MAP3K13: variants seen among roughly 807,000 people sequenced by gnomAD.
MAP3K13 encodes the protein mitogen-activated protein kinase kinase kinase 13.
Under a neutral mutation model 104.0 loss-of-function variants are expected in MAP3K13, and 52 were observed. The ratio of observed to expected loss-of-function variants is 0.50; its 90% confidence interval spans 0.40 to 0.63. The LOEUF is 0.63. MAP3K13 is among the 20% of genes least tolerant of loss of function. The pLI is 0.00. For synonymous variants in MAP3K13, 394 were observed against 442.2 expected (o/e 0.89, Z 1.37); for missense variants, 914 against 1,218.5 (o/e 0.75, Z 3.72).
intron 2 of MAP3K13, among the ~76,000 whole-genome samples, chr3:185,337,317 C>A (rs1427535615): frequency 6.6e-6 from 1 of 152,200 alleles, no homozygotes. Context: ...GCAATACAAA[C>A]TTAGAAGAAG....
chr3:185,436,132 C>T (rs751536727), intron 2 of MAP3K13, among the ~76,000 whole-genome samples: 4 of 152,076 alleles, frequency 2.6e-5, no homozygotes, highest in Non-Finnish European at 5.9e-5. Context: ...GAGATTAAAG[C>T]ACATATTGAT....
At chr3:185,466,767 T>C (rs1050019143) in intron 9 of MAP3K13, 59 bp from the exon 10 acceptor site, 22 of 1,594,684 alleles carry the variant, frequency 1.4e-5, no homozygotes, top group African/African-American at 4.0e-5. Context: ...GGTGAAAATA[T>C]TCTGCCTATC....
In MAP3K13 at chr3:185,450,502, C is replaced by T. The variant is rs893764726; in HGVS notation, c.1169+444C>T. On this transcript the variant is annotated intron_variant, in intron 6 of 13. Transcript: ENST00000265026. The surrounding 1 kb of genome is among the most constrained non-coding windows in gnomAD (Gnocchi z 4.2). ...TGCAGGGCAGCCAGGCACAGTGGCT[C>T]ACACCTGTAATTCCAACACTTTGGC... is the stretch of plus-strand genomic sequence containing the variant. Among the ~76,000 whole-genome samples the T allele has an allele frequency of 1.3e-5, 2 of 152,092 alleles. No homozygotes were observed. Among genetic ancestry groups the T allele is most frequent in the Non-Finnish European group, 2.9e-5 (2 of 68,022 alleles).
At chr3:185,319,313 A>G (rs1721780214) in intron 2 of MAP3K13, among the ~76,000 whole-genome samples, 1 of 152,200 alleles carries the variant, frequency 6.6e-6, no homozygotes, top group African/African-American at 2.4e-5. Flanking sequence ...CTAAGTATAC[A>G]TATATTCCTG....
chr3:185,320,206 A>G (rs6795599), intron 2 of MAP3K13, among the ~76,000 whole-genome samples: 117,759 of 151,492 alleles, frequency 0.78, 46,288 homozygotes, highest in Non-Finnish European at 0.84. Flanking sequence ...TCAGCCTCCC[A>G]AGTAGCTGGG....
At chr3:185,472,394 G>A (rs1717856974) in intron 10 of MAP3K13, among the ~76,000 whole-genome samples, 1 of 151,794 alleles carries the variant, frequency 6.6e-6, no homozygotes, top group Non-Finnish European at 1.5e-5. Flanking sequence ...TGTATTTTTA[G>A]TAGAGACGGG....
At chr3:185,449,244 G>A (rs76492222) in intron 5 of MAP3K13, among the ~76,000 whole-genome samples, 3 of 151,824 alleles carry the variant, frequency 2.0e-5, no homozygotes, top group Non-Finnish European at 2.9e-5. Flanking sequence ...GTGGTGGCAC[G>A]CACTTGTAAT....
intron 5 of MAP3K13, among the ~76,000 whole-genome samples, chr3:185,448,785 G>A (rs969477717): frequency 1.3e-5 from 2 of 152,140 alleles, no homozygotes; most frequent in African/African-American, 4.8e-5. Context: ...TAAAAAAACG[G>A]TATCTTGGGT....
Position 185,428,659 on chromosome 3 carries a change from A to G in MAP3K13, c.78A>G (p.Gly26=), listed in dbSNP as rs767929274. 1.2e-6 allele frequency: 2 copies of G among 1,614,110 alleles called. No homozygotes were observed. Among genetic ancestry groups the G allele is most frequent in the Middle Eastern group, 3.3e-4 (2 of 6,060 alleles). ...TCAGTGAAAGCAAAACCTTCAATGG[A>G]CTACAAGATGAGCTCACAGCTATGG... ...LPFSESKTFN[G]LQDELTAMGN... is the part of the protein sequence containing the mutation. The change falls in exon 2 of 14, where the codon GGA becomes GGG. Residue 26 remains glycine, a synonymous_variant. Transcript: ENST00000265026.
At chr3:185,481,558 C>T (rs1718457663) in intron 13 of MAP3K13, among the ~76,000 whole-genome samples, 1 of 152,090 alleles carries the variant, frequency 6.6e-6, no homozygotes, top group South Asian at 2.1e-4. Context: ...TGGATGATGC[C>T]ATCATAGGAC....
At chr3:185,449,287 C>T (rs574910396) in intron 5 of MAP3K13, among the ~76,000 whole-genome samples, 2 of 150,244 alleles carry the variant, frequency 1.3e-5, no homozygotes, top group Non-Finnish European at 2.9e-5. Flanking sequence ...GCAGCAGAAT[C>T]GCTTGAACCC....
At chr3:185,302,775 T>A (rs1461669374) in intron 2 of MAP3K13, among the ~76,000 whole-genome samples, 1 of 152,250 alleles carries the variant, frequency 6.6e-6, no homozygotes, top group Non-Finnish European at 1.5e-5. Flanking sequence ...TCAAGCCATC[T>A]GTGAACAGAG....
intron 2 of MAP3K13, among the ~76,000 whole-genome samples, chr3:185,293,959 G>A (rs1178271256): frequency 1.3e-5 from 2 of 152,054 alleles, no homozygotes; most frequent in Non-Finnish European, 1.5e-5. Flanking sequence ...CATTTAAAAG[G>A]TTGCTTCAAC....
intron 2 of MAP3K13, among the ~76,000 whole-genome samples, chr3:185,319,135 A>G (rs1721774425): frequency 6.6e-6 from 1 of 152,174 alleles, no homozygotes; most frequent in Non-Finnish European, 1.5e-5. Context: ...TTAAAAAAAA[A>G]TCTACATTAT....
chr3:185,399,343 G>A (rs1302476243), intron 1 of MAP3K13, among the ~76,000 whole-genome samples: 2 of 151,974 alleles, frequency 1.3e-5, no homozygotes, highest in East Asian at 1.9e-4. Flanking sequence ...GGTGGCTCAC[G>A]CCTGTAATCC....
intron 1 of MAP3K13, among the ~76,000 whole-genome samples, chr3:185,401,750 A>G (rs1712827542): frequency 6.6e-6 from 1 of 152,246 alleles, no homozygotes; most frequent in Non-Finnish European, 1.5e-5. Flanking sequence ...GTAATAAAAT[A>G]TAAACAACCA....
intron 2 of MAP3K13, among the ~76,000 whole-genome samples, chr3:185,321,770 A>C (rs1721878540): frequency 6.6e-6 from 1 of 151,864 alleles, no homozygotes; most frequent in Admixed American, 6.6e-5. Context: ...TGCCCGGCTA[A>C]TTTTTGTATT....
chr3:185,334,933 GA>G (rs1363176182), intron 2 of MAP3K13, among the ~76,000 whole-genome samples: 2 of 151,422 alleles, frequency 1.3e-5, no homozygotes, highest in African/African-American at 4.9e-5. Flanking sequence ...CTTATAGGGG[GA>G]AAAAATTTCA....
chr3:185,448,775 T>TA (rs1437488739), intron 5 of MAP3K13, among the ~76,000 whole-genome samples: 2 of 152,118 alleles, frequency 1.3e-5, no homozygotes, highest in East Asian at 3.8e-4. Context: ...ATCATATAGG[T>TA]AAAAAAACGG....
Sources: allele counts gnomAD v4.1 joint callset (sites outside exome capture counted in the v4.1 genomes callset), GRCh38; gene constraint gnomAD v4.1.1; non-coding constraint Gnocchi (gnomAD v3.1); transcripts MANE v1.5; gene names NCBI Gene and HGNC (gene_info 2026-07-23, HGNC 2026-07-21).